KCNMB2: variants seen among roughly 807,000 people sequenced by gnomAD.
KCNMB2 encodes the protein potassium calcium-activated channel subfamily M regulatory beta subunit 2.
A neutral mutation model predicts 24.5 loss-of-function variants in KCNMB2; 9 were observed. The observed-to-expected ratio is 0.37, with a 90% CI of 0.22 to 0.64. KCNMB2 has a LOEUF of 0.64. KCNMB2 is among the 30% of genes least tolerant of loss of function. The pLI, the probability that KCNMB2 is intolerant of heterozygous loss-of-function variation, is 0.63. For synonymous variants in KCNMB2, 109 were observed against 104.4 expected (o/e 1.04, Z -0.27); for missense variants, 226 against 284.3 (o/e 0.79, Z 1.47).
intron 1 of KCNMB2, among the ~76,000 whole-genome samples, chr3:178,566,052 A>G (rs928628469): frequency 6.6e-6 from 1 of 152,200 alleles, no homozygotes; most frequent in Non-Finnish European, 1.5e-5. Flanking sequence ...ATATCATGAG[A>G]ATAAACTGAA....
intron 1 of KCNMB2, among the ~76,000 whole-genome samples, chr3:178,668,922 A>T (rs747417045): frequency 3.3e-5 from 5 of 152,204 alleles, no homozygotes; most frequent in Non-Finnish European, 5.9e-5. Context: ...CAGACAGTTC[A>T]TCTTTCCTTC....
At chr3:178,734,766 T>C (rs544808530) in intron 1 of KCNMB2, among the ~76,000 whole-genome samples, 1 of 152,270 alleles carries the variant, frequency 6.6e-6, no homozygotes, top group East Asian at 1.9e-4. Context: ...AAGAACCGAG[T>C]TAACTGGTGT....
chr3:178,694,175 G>T (rs2108332374), intron 1 of KCNMB2, among the ~76,000 whole-genome samples: 1 of 152,302 alleles, frequency 6.6e-6, no homozygotes, highest in African/African-American at 2.4e-5. Flanking sequence ...AGAATGAGTG[G>T]ACAGTGGACT....
chr3:178,691,109 T>TTTTTTTTTTTTTTTTTTG, intron 1 of KCNMB2, among the ~76,000 whole-genome samples: 1 of 128,484 alleles, frequency 7.8e-6, no homozygotes, highest in East Asian at 2.1e-4. Context: ...CATTAAGTCT[T>TTTTTTTTTTTTTTTTTTG]TTTTTTTTTT....
intron 1 of KCNMB2, among the ~76,000 whole-genome samples, chr3:178,551,340 A>C (rs940398393): frequency 2.0e-5 from 3 of 152,194 alleles, no homozygotes; most frequent in African/African-American, 7.2e-5. Context: ...ATCCCCATTT[A>C]GGACAGAAAA....
chr3:178,704,104 A>G lies in KCNMB2; in HGVS notation c.-67-103239A>G, dbSNP rs1174132067. ...CATTAGAAATTGACAAAGTCTTTTT[A>G]TGTTTAATTTTATTTAAAATCTCCA... On this transcript the variant is annotated intron_variant, in intron 1 of 4. Coordinates refer to ENST00000452583, the MANE Select transcript of KCNMB2 (RefSeq NM_181361.3). Among the ~76,000 whole-genome samples the G allele has an allele frequency of 2.6e-5, 4 of 152,244 alleles. No individual in the cohort carries two copies. In the East Asian group the frequency reaches 7.7e-4, roughly 29 times the overall value.
At chr3:178,715,757 T>C (rs553150744) in intron 1 of KCNMB2, among the ~76,000 whole-genome samples, 19 of 152,308 alleles carry the variant, frequency 1.2e-4, no homozygotes, top group African/African-American at 4.3e-4. Flanking sequence ...TGTGTTTAGT[T>C]GATGAAGTTT....
In KCNMB2 at chr3:178,828,401, T is replaced by C. The variant is rs779749523; in HGVS notation, c.423+28T>C. 1.2e-5 allele frequency: 18 copies of C among 1,559,184 alleles called. No homozygotes were observed. In the South Asian group the frequency reaches 2.1e-4, roughly 18 times the overall value. The stretch of plus-strand genomic sequence containing the variant: ...AGGAACTTGGCGTACTGCATTTCAG[T>C]TACCCCACAGAGCTTCACACCAGGC... On this transcript the variant is annotated intron_variant, in intron 4 of 4. Transcript: ENST00000452583.
chr3:178,786,893 A>G (rs767440827), intron 1 of KCNMB2, among the ~76,000 whole-genome samples: 2 of 152,144 alleles, frequency 1.3e-5, no homozygotes, highest in Non-Finnish European at 2.9e-5. Flanking sequence ...ATTTAACCAA[A>G]GACAGATTAT....
intron 2 of KCNMB2, among the ~76,000 whole-genome samples, chr3:178,808,704 G>T (rs1171585848): frequency 6.6e-6 from 1 of 152,064 alleles, no homozygotes; most frequent in Non-Finnish European, 1.5e-5. Context: ...ATACCACTTA[G>T]CACTTTAAAA....
chr3:178,703,873 T>C (rs1281708709), intron 1 of KCNMB2, among the ~76,000 whole-genome samples: 2 of 152,158 alleles, frequency 1.3e-5, no homozygotes, highest in Non-Finnish European at 2.9e-5. Flanking sequence ...TATTATAAGA[T>C]GTTAGAGTGA....
chr3:178,741,279 T>G (rs1472862658), intron 1 of KCNMB2, among the ~76,000 whole-genome samples: 1 of 152,074 alleles, frequency 6.6e-6, no homozygotes, highest in East Asian at 1.9e-4. Flanking sequence ...GGACATAACA[T>G]CAACTTACAG....
At chr3:178,782,322 G>A (rs1453154703) in intron 1 of KCNMB2, among the ~76,000 whole-genome samples, 1 of 141,414 alleles carries the variant, frequency 7.1e-6, no homozygotes, top group Non-Finnish European at 1.5e-5. Context: ...GGGATGGCTG[G>A]GTCAAATGGT....
chr3:178,537,015 G>A (rs1022087092), intron 1 of KCNMB2, among the ~76,000 whole-genome samples: 1 of 152,184 alleles, frequency 6.6e-6, no homozygotes, highest in African/African-American at 2.4e-5. Context: ...TCTTACCTGT[G>A]GTGCCGGCTG....
intron 1 of KCNMB2, among the ~76,000 whole-genome samples, chr3:178,629,813 A>G (rs1001042952): frequency 1.3e-5 from 2 of 152,220 alleles, no homozygotes; most frequent in African/African-American, 4.8e-5. Context: ...TCCAAATGGA[A>G]CTTCCTCATT....
rs1224678302 is a variant in KCNMB2, at chr3:178,670,031, C to T, written c.-68+133320C>T. The stretch of plus-strand genomic sequence containing the variant: ...ATACATATACATATTGATTGATTTG[C>T]GAGAAAGGATTCGAAGTTGAGCTTT... On this transcript the variant is annotated intron_variant, in intron 1 of 4. Coordinates refer to ENST00000452583, the MANE Select transcript of KCNMB2 (RefSeq NM_181361.3). Among the ~76,000 whole-genome samples the T allele has an allele frequency of 2.0e-5, 3 of 151,810 alleles. No homozygotes were observed. In the East Asian group the frequency reaches 5.8e-4, roughly 29 times the overall value.
At chr3:178,816,077 T>C (rs1275705869) in intron 2 of KCNMB2, among the ~76,000 whole-genome samples, 2 of 151,972 alleles carry the variant, frequency 1.3e-5, no homozygotes, top group Admixed American at 6.5e-5. Flanking sequence ...GAATGATTTG[T>C]ATACTATAAG....
At chr3:178,564,314 T>C (rs1577013370) in intron 1 of KCNMB2, among the ~76,000 whole-genome samples, 1 of 151,816 alleles carries the variant, frequency 6.6e-6, no homozygotes, top group Admixed American at 6.6e-5. Context: ...TTATGGTGGG[T>C]ACCATATGTC....
chr3:178,743,842 G>A (rs1723574219), intron 1 of KCNMB2, among the ~76,000 whole-genome samples: 1 of 152,214 alleles, frequency 6.6e-6, no homozygotes, highest in African/African-American at 2.4e-5. Flanking sequence ...CCTGGGAAGT[G>A]TTTGGCTTCA....
Sources: gnomAD v4.1 joint callset for allele counts (sites outside exome capture counted in the v4.1 genomes callset) on GRCh38, gnomAD v4.1.1 for gene constraint, MANE v1.5 for transcripts, NCBI Gene and HGNC (gene_info 2026-07-23, HGNC 2026-07-21) for gene names.